Variants in MIPOL1 observed in about 807,000 individuals in gnomAD.
The protein encoded by MIPOL1 is mirror-image polydactyly gene 1 protein.
In MIPOL1, 57 loss-of-function variants were observed where a neutral mutation model predicts 60.9. That is an observed-to-expected ratio of 0.94 (90% CI 0.76 to 1.17). The LOEUF is 1.17. Ranked by LOEUF, MIPOL1 falls within the 50% of genes most tolerant of loss-of-function variation. The pLI is 0.00. For missense variants in MIPOL1, 551 were observed against 511.6 expected (o/e 1.08, Z -0.74); for synonymous variants, 179 against 168.8 (o/e 1.06, Z -0.47).
chr14:37,420,866 G>C (rs1393368782), intron 10 of MIPOL1, among the ~76,000 whole-genome samples: 1 of 152,098 alleles, frequency 6.6e-6, no homozygotes, highest in Admixed American at 6.6e-5. Flanking sequence ...CAAGATCACT[G>C]TAGCATAGGA....
chr14:37,291,720 G>T (rs1471729033), intron 7 of MIPOL1, among the ~76,000 whole-genome samples: 4 of 151,968 alleles, frequency 2.6e-5, no homozygotes, highest in Non-Finnish European at 5.9e-5. Context: ...CAAGATCGAG[G>T]TGCTGGCATC....
At chr14:37,415,621 T>A (rs1245409235) in intron 10 of MIPOL1, among the ~76,000 whole-genome samples, 1 of 81,280 alleles carries the variant, frequency 1.2e-5, no homozygotes, top group Non-Finnish European at 2.6e-5. Flanking sequence ...AGAGCGAGAC[T>A]CTGTCTCAAA....
At chr14:37,419,880 A>G (rs1366459457) in intron 10 of MIPOL1, among the ~76,000 whole-genome samples, 1 of 151,970 alleles carries the variant, frequency 6.6e-6, no homozygotes, top group South Asian at 2.1e-4. Context: ...AGCTGGGTCT[A>G]TAGGTGCATG....
chr14:37,484,456 G>A (rs1447932014), intron 11 of MIPOL1, among the ~76,000 whole-genome samples: 1 of 150,296 alleles, frequency 6.7e-6, no homozygotes, highest in African/African-American at 2.5e-5. Context: ...TCCTGACTCA[G>A]TCTCCTGAGT....
intron 12 of MIPOL1, among the ~76,000 whole-genome samples, chr14:37,527,175 T>G (rs1040528680): frequency 1.2e-4 from 18 of 152,200 alleles, no homozygotes; most frequent in African/African-American, 3.9e-4. Flanking sequence ...TAGCTTTTTA[T>G]TATATGCACT....
At chr14:37,405,979 C>T (rs922584374) in intron 10 of MIPOL1, among the ~76,000 whole-genome samples, 7 of 150,176 alleles carry the variant, frequency 4.7e-5, no homozygotes, top group African/African-American at 1.7e-4. Context: ...AGCCTATGCA[C>T]CTAAAAAACT....
rs531687701 is a variant in MIPOL1, at chr14:37,509,793, ATCTATC to A, written c.1262+9657_1262+9662del. On this transcript the variant is annotated intron_variant, in intron 12 of 12. Coordinates refer to ENST00000684589, the MANE Select transcript of MIPOL1 (RefSeq NM_001388067.1). ...TTTGTGTGTATATACATGTATGTAT[ATCTATC>A]TACTTATGTATAAGCTATATATGTA... Among the ~76,000 whole-genome samples the A allele has an allele frequency of 2.1e-3, 321 of 150,632 alleles. 2 individuals carry two copies. The highest frequency in any genetic ancestry group is 7.4e-3 in the African/African-American group (299 of 40,550).
intron 9 of MIPOL1, among the ~76,000 whole-genome samples, chr14:37,316,367 C>T (rs1221762917): frequency 6.6e-6 from 1 of 151,944 alleles, no homozygotes; most frequent in African/African-American, 2.4e-5. Context: ...AGTCAGTTCC[C>T]TTGAGTGGTG....
chr14:37,348,940 T>A (rs1410690677), intron 9 of MIPOL1, among the ~76,000 whole-genome samples: 3 of 148,196 alleles, frequency 2.0e-5, no homozygotes, highest in African/African-American at 7.4e-5. Context: ...GGGATTCTCC[T>A]GCTTTAGCCT....
chr14:37,426,594 T>TATATATATATATATCTATATATAC (rs1447990257), intron 11 of MIPOL1, among the ~76,000 whole-genome samples: 1 of 125,434 alleles, frequency 8.0e-6, no homozygotes, highest in Non-Finnish European at 1.6e-5. Flanking sequence ...TATATATATA[T>TATATATATATATATCTATATATAC]ACACACACAC....
At chr14:37,348,194 G>T (rs140608955) in intron 9 of MIPOL1, among the ~76,000 whole-genome samples, 211 of 152,212 alleles carry the variant, frequency 1.4e-3, no homozygotes, top group Non-Finnish European at 2.6e-3. Context: ...GCATTAATTT[G>T]CATAGGATAA....
chr14:37,290,221 TTTTG>T lies in MIPOL1; in HGVS notation c.623+4790_623+4793del, dbSNP rs535088809. 1.6e-3 allele frequency among the ~76,000 whole-genome samples: 250 copies of T among 152,048 alleles called. 1 individual carries two copies. Among genetic ancestry groups the T allele is most frequent in the Non-Finnish European group, 3.0e-3 (202 of 67,970 alleles). On this transcript the variant is annotated intron_variant, in intron 7 of 12. Transcript: ENST00000684589. ...TTCCCCATCCCCTTGTGTGTGTGGG[TTTTG>T]TTTGTTTGTTTGTTTTTTGAGACAG...
intron 11 of MIPOL1, among the ~76,000 whole-genome samples, chr14:37,447,156 C>A (rs1442032186): frequency 6.6e-6 from 1 of 151,816 alleles, no homozygotes; most frequent in East Asian, 1.9e-4. Context: ...GAAGACATGG[C>A]AATTCATAGG....
chr14:37,199,817 G>T (rs1283069180), intron 1 of MIPOL1, among the ~76,000 whole-genome samples: 2 of 152,116 alleles, frequency 1.3e-5, no homozygotes, highest in Admixed American at 1.3e-4. Flanking sequence ...GAACCATCGC[G>T]CCTGGCCATA....
chr14:37,408,042 T>A (rs186089709), intron 10 of MIPOL1, among the ~76,000 whole-genome samples: 59 of 151,324 alleles, frequency 3.9e-4, no homozygotes, highest in African/African-American at 1.2e-3. Flanking sequence ...TTTATTTTAT[T>A]TTTTATTTTT....
intron 10 of MIPOL1, among the ~76,000 whole-genome samples, chr14:37,379,502 T>C (rs1260917216): frequency 6.6e-6 from 1 of 152,068 alleles, no homozygotes; most frequent in Non-Finnish European, 1.5e-5. Context: ...TGTTTTAAAG[T>C]ATACCATCAA....
intron 10 of MIPOL1, among the ~76,000 whole-genome samples, chr14:37,408,859 G>T (rs1270549460): frequency 2.0e-5 from 3 of 152,146 alleles, no homozygotes; most frequent in Non-Finnish European, 4.4e-5. Context: ...TGCCAGCATT[G>T]CTGGTTTCAC....
chr14:37,462,284 A>C (rs1401646915), intron 11 of MIPOL1, among the ~76,000 whole-genome samples: 5 of 152,178 alleles, frequency 3.3e-5, no homozygotes, highest in Non-Finnish European at 5.9e-5. Context: ...TTTCAGCCAC[A>C]GCTGGAGTGG....
chr14:37,465,380 T>G (rs2094586180), intron 11 of MIPOL1, among the ~76,000 whole-genome samples: 1 of 152,164 alleles, frequency 6.6e-6, no homozygotes, highest in African/African-American at 2.4e-5. Flanking sequence ...AGTAGGAAAC[T>G]ATTTCTCTTC....
Sources: allele counts gnomAD v4.1 joint callset (sites outside exome capture counted in the v4.1 genomes callset), GRCh38; gene constraint gnomAD v4.1.1; transcripts MANE v1.5; gene names NCBI Gene and HGNC (gene_info 2026-07-23, HGNC 2026-07-21).